The following PLXNA2 variants were observed in gnomAD, a reference collection of about 807,000 sequenced individuals.
The protein encoded by PLXNA2 is plexin A2, also known as plexin-A2.
A neutral mutation model predicts 193.5 loss-of-function variants in PLXNA2; 91 were observed. That is an observed-to-expected ratio of 0.47 (90% CI 0.40 to 0.56). PLXNA2 has a LOEUF of 0.56. Among genes scored for constraint, PLXNA2 ranks in the 20% least tolerant of loss-of-function variants. The probability of loss-of-function intolerance (pLI) is 0.00; values close to 1 mark genes in which losing one functional copy is unlikely to be tolerated. For synonymous variants in PLXNA2, 997 were observed against 1,027.3 expected (o/e 0.97, Z 0.56); for missense variants, 1,995 against 2,503.2 (o/e 0.80, Z 4.33).
At chr1:208,207,341 T>C (rs1670764792) in intron 3 of PLXNA2, among the ~76,000 whole-genome samples, 1 of 152,234 alleles carries the variant, frequency 6.6e-6, no homozygotes, top group Admixed American at 6.5e-5. Context: ...CCTTATTCTG[T>C]CTGTTCCTTC....
At chr1:208,123,536 G>T (rs1433990887) in intron 4 of PLXNA2, among the ~76,000 whole-genome samples, 1 of 152,102 alleles carries the variant, frequency 6.6e-6, no homozygotes, top group Non-Finnish European at 1.5e-5. Flanking sequence ...CAAGTGTAAG[G>T]GTCTCTTGTC....
In PLXNA2 at chr1:208,167,530, G is replaced by A. The variant is rs1669348615; in HGVS notation, c.1372-25067C>T. Among the ~76,000 whole-genome samples, 3 of 152,180 alleles carry A rather than the reference G, an allele frequency of 2.0e-5. No individual in the cohort carries two copies. In the South Asian group the frequency reaches 6.2e-4, roughly 32 times the overall value. On this transcript the variant is annotated intron_variant, in intron 3 of 31. Coordinates refer to ENST00000367033, the MANE Select transcript of PLXNA2 (RefSeq NM_025179.4). ...ACTGATGAGAGGCCCATAGAGGTAG[G>A]AGGCAAGGAGCACGTCTCCTGAAAT...
intron 12 of PLXNA2, among the ~76,000 whole-genome samples, chr1:208,061,932 CT>C (rs1016400992): frequency 6.6e-6 from 1 of 152,110 alleles, no homozygotes; most frequent in African/African-American, 2.4e-5. Flanking sequence ...AAGATACTTA[CT>C]TTTTACAGCA....
chr1:208,146,026 G>A (rs565987536), intron 3 of PLXNA2, among the ~76,000 whole-genome samples: 1 of 152,198 alleles, frequency 6.6e-6, no homozygotes, highest in African/African-American at 2.4e-5. Flanking sequence ...CGTATAGGGG[G>A]TCAGAGAAGA....
At chr1:208,194,279 T>C (rs1670280289) in intron 3 of PLXNA2, among the ~76,000 whole-genome samples, 1 of 151,892 alleles carries the variant, frequency 6.6e-6, no homozygotes. Context: ...GTTAATGAGC[T>C]GATCTGGGGG....
At chr1:208,110,492 G>A (rs1018543005) in intron 4 of PLXNA2, among the ~76,000 whole-genome samples, 6 of 152,210 alleles carry the variant, frequency 3.9e-5, no homozygotes, top group Non-Finnish European at 7.3e-5. Context: ...GCAGTGGACC[G>A]AGCTTGTTGA....
intron 3 of PLXNA2, among the ~76,000 whole-genome samples, chr1:208,200,279 C>G (rs1048449457): frequency 6.6e-6 from 1 of 152,218 alleles, no homozygotes; most frequent in Non-Finnish European, 1.5e-5. Context: ...AAGGCCAGAG[C>G]TCCAGATTCA....
At chr1:208,061,554 T>C (rs1346942005) in intron 12 of PLXNA2, among the ~76,000 whole-genome samples, 1 of 152,186 alleles carries the variant, frequency 6.6e-6, no homozygotes, top group African/African-American at 2.4e-5. Context: ...TTGACACTGT[T>C]CTGCAAAAAA....
intron 1 of PLXNA2, among the ~76,000 whole-genome samples, chr1:208,235,614 C>T (rs184617751): frequency 1.2e-4 from 18 of 152,294 alleles, no homozygotes; most frequent in Admixed American, 5.2e-4. Context: ...GGGTGAGCAC[C>T]GGTCAACAGG....
At chr1:208,180,353 GTGGGCACCTCT>G (rs1669802518) in intron 3 of PLXNA2, among the ~76,000 whole-genome samples, 1 of 152,118 alleles carries the variant, frequency 6.6e-6, no homozygotes, top group Non-Finnish European at 1.5e-5. Context: ...GGAGGCCTGA[GTGGGCACCTCT>G]GCCGGGATGG....
intron 12 of PLXNA2, among the ~76,000 whole-genome samples, chr1:208,061,173 G>T (rs773927175): frequency 2.6e-5 from 4 of 152,178 alleles, no homozygotes; most frequent in Non-Finnish European, 4.4e-5. Flanking sequence ...GATCAGTCAC[G>T]TAATCTCTCT....
intron 4 of PLXNA2, among the ~76,000 whole-genome samples, chr1:208,122,434 G>A (rs754966309): frequency 1.3e-4 from 20 of 152,116 alleles, no homozygotes; most frequent in Non-Finnish European, 1.9e-4. Flanking sequence ...CCATAAAAAC[G>A]TCTTAATCTA....
At chr1:208,218,130 C>A in intron 1 of PLXNA2, 128 bp from the exon 2 acceptor site, 1 of 727,450 alleles carries the variant, frequency 1.4e-6, no homozygotes, top group South Asian at 1.9e-5. Flanking sequence ...TTTGGTTTTT[C>A]TATTTTTAAC....
At chr1:208,168,726 T>TTTTTTTTG (rs1669392056) in intron 3 of PLXNA2, among the ~76,000 whole-genome samples, 1 of 51,688 alleles carries the variant, frequency 1.9e-5, no homozygotes, top group Non-Finnish European at 4.8e-5. Flanking sequence ...TATGCGGGGT[T>TTTTTTTTG]TTTTTTTTTT....
chr1:208,077,374 C>T (rs376906142), intron 12 of PLXNA2, among the ~76,000 whole-genome samples: 86 of 152,264 alleles, frequency 5.6e-4, no homozygotes, highest in African/African-American at 1.7e-3. Flanking sequence ...CAGAGCAGCC[C>T]GTCAGCCCCC....
At position 208,096,838 on chromosome 1, in the gene PLXNA2, C is replaced by T. The variant is rs764899856; in HGVS notation, c.1777G>A (p.Ala593Thr). The change falls in exon 7 of 32, where the codon GCC (alanine) becomes ACC (threonine). Residue 593 changes from alanine (A) to threonine (T), a missense_variant. By Grantham distance (58) the Ala-to-Thr change is moderately conservative. Around this residue, in one of 3 missense-constraint regions of PLXNA2, gnomAD observed 702 missense variants for 812.9 expected, o/e 0.86. Coordinates refer to ENST00000367033, the MANE Select transcript of PLXNA2 (RefSeq NM_025179.4). Reference protein sequence around the residue: ...SDAPDLSAGIACAFGNLTEVE... With the variant: ...SDAPDLSAGITCAFGNLTEVE... ...TCTGTCAGGTTCCCAAAGGCACAGG[C>T]GATACCCGCAGATAGATCAGGAGCA... The T allele has an allele frequency of 7.4e-6, 12 of 1,613,926 alleles. No homozygotes were observed. The highest frequency in any genetic ancestry group is 3.3e-5 in the South Asian group (3 of 91,082).
At chr1:208,119,567 A>G (rs893121803) in intron 4 of PLXNA2, among the ~76,000 whole-genome samples, 1 of 152,154 alleles carries the variant, frequency 6.6e-6, no homozygotes, top group African/African-American at 2.4e-5. Flanking sequence ...ACAGAAAGAG[A>G]CCAAGAGATT....
intron 9 of PLXNA2, among the ~76,000 whole-genome samples, chr1:208,090,206 C>A (rs932932769): frequency 6.6e-6 from 1 of 152,122 alleles, no homozygotes; most frequent in Non-Finnish European, 1.5e-5. Context: ...GGGGCCATGC[C>A]AGGGACCAAT....
chr1:208,140,805 C>A (rs562064559), intron 4 of PLXNA2, among the ~76,000 whole-genome samples: 27 of 152,340 alleles, frequency 1.8e-4, no homozygotes, highest in African/African-American at 6.3e-4. Flanking sequence ...AGAATTCAAT[C>A]TGATGTTATT....
Sources: allele counts gnomAD v4.1 joint callset (sites outside exome capture counted in the v4.1 genomes callset), GRCh38; gene constraint gnomAD v4.1.1; regional missense constraint gnomAD v4.1.1; transcripts MANE v1.5; gene names NCBI Gene and HGNC (gene_info 2026-07-23, HGNC 2026-07-21).